Variants in KDM3A observed in about 807,000 individuals in gnomAD.
The protein encoded by KDM3A is lysine-specific demethylase 3A.
Under a neutral mutation model 158.0 loss-of-function variants are expected in KDM3A, and 60 were observed. The ratio of observed to expected loss-of-function variants is 0.38; its 90% confidence interval spans 0.31 to 0.47. The LOEUF (loss-of-function observed/expected upper bound fraction) is 0.47. Among genes scored for constraint, KDM3A ranks in the 20% least tolerant of loss-of-function variants. KDM3A has a pLI of 0.99. For missense variants in KDM3A, 1,319 were observed against 1,574.3 expected, an observed-to-expected ratio of 0.84 and a Z score of 2.74; for synonymous variants, 608 against 549.3, an observed-to-expected ratio of 1.11 and a Z score of -1.49.
intron 4 of KDM3A, 82 bp from the exon 5 acceptor site, chr2:86,455,003 C>A: frequency 1.3e-6 from 1 of 748,700 alleles, no homozygotes; most frequent in South Asian, 2.0e-5. Flanking sequence ...TTTGATTAAC[C>A]AATTGAAATA....
chr2:86,468,077 C>T (rs1233121846), intron 10 of KDM3A, among the ~76,000 whole-genome samples: 1 of 151,922 alleles, frequency 6.6e-6, no homozygotes, highest in Non-Finnish European at 1.5e-5. Flanking sequence ...TTATTTGGAT[C>T]AGTAAAAATG....
chr2:86,475,009 G>A lies in KDM3A; in HGVS notation c.1939+19G>A. The A allele has an allele frequency of 6.3e-7, 1 of 1,594,254 alleles. No homozygotes were observed. Among genetic ancestry groups the A allele is most frequent in the South Asian group, 1.1e-5 (1 of 89,556 alleles). Reference sequence around the variant, plus strand: ...CCACACAGTAAGAGCATCTCTTAGGGGGTAGGATTTTCGAGCCCAATTTGA... The same window carrying A: ...CCACACAGTAAGAGCATCTCTTAGGAGGTAGGATTTTCGAGCCCAATTTGA... On this transcript the variant is annotated intron_variant, in intron 12 of 25. Transcript: ENST00000312912.
At chr2:86,445,513 T>C (rs1289977829) in intron 2 of KDM3A, among the ~76,000 whole-genome samples, 2 of 152,188 alleles carry the variant, frequency 1.3e-5, no homozygotes, top group Non-Finnish European at 2.9e-5. Context: ...TCTAATGCCC[T>C]GCTTCCTTAA....
chr2:86,480,621 C>G (rs1436280655), intron 16 of KDM3A, among the ~76,000 whole-genome samples: 1 of 152,122 alleles, frequency 6.6e-6, no homozygotes, highest in East Asian at 1.9e-4. Flanking sequence ...ATGCAAAGAT[C>G]TGGAGCAAAA....
intron 12 of KDM3A, 44 bp from the exon 13 acceptor site, chr2:86,477,833 A>C (rs200352289): frequency 2.0e-4 from 305 of 1,540,282 alleles, no homozygotes; most frequent in Non-Finnish European, 2.5e-4. Flanking sequence ...TGGTTTCAGA[A>C]GCCCTCTCCT....
At chr2:86,475,200 T>C (rs1418002032) in intron 12 of KDM3A, among the ~76,000 whole-genome samples, 1 of 151,746 alleles carries the variant, frequency 6.6e-6, no homozygotes. Flanking sequence ...AACAGAGGAG[T>C]GGAACTCCTT....
In KDM3A at chr2:86,483,993, A is replaced by G. The variant is rs1158782921; in HGVS notation, c.2929A>G (p.Met977Val). Residue 977 changes from methionine (M) to valine (V), a missense_variant, in exon 19 of 26, where the codon ATG becomes GTG. Met to Val is a conservative substitution (Grantham distance 21). Coordinates refer to ENST00000312912, the MANE Select transcript of KDM3A (RefSeq NM_018433.6). ...RECWKQGQPV[M>V]VSGVHHKLNS... The stretch of plus-strand genomic sequence containing the variant: ...TTTCCTTCTCTTCATTTAGCCAGTG[A>G]TGGTGTCTGGAGTGCATCATAAATT... 3 of 1,610,302 alleles carry G rather than the reference A, an allele frequency of 1.9e-6. No individual in the cohort carries two copies. Among genetic ancestry groups the G allele is most frequent in the East Asian group, 2.2e-5 (1 of 44,812 alleles).
intron 15 of KDM3A, 21 bp downstream of exon 15, chr2:86,478,756 A>G (rs1411538042): frequency 6.2e-7 from 1 of 1,608,356 alleles, no homozygotes; most frequent in Non-Finnish European, 8.5e-7. Context: ...CTTATGTTAA[A>G]TTCAACATCT....
chr2:86,449,727 A>G (rs909689045), intron 2 of KDM3A, 80 bp from the exon 3 acceptor site: 21 of 1,401,866 alleles, frequency 1.5e-5, no homozygotes, highest in Non-Finnish European at 2.0e-5. Context: ...TAATGAAGGT[A>G]TAGTTCAGCT....
chr2:86,460,290 A>G (rs1029747998), intron 8 of KDM3A, among the ~76,000 whole-genome samples: 3 of 152,180 alleles, frequency 2.0e-5, no homozygotes, highest in African/African-American at 7.2e-5. Context: ...GCAATGTATT[A>G]TAACTATTAT....
intron 10 of KDM3A, 27 bp from the exon 11 acceptor site, chr2:86,470,177 T>C (rs768286941): frequency 1.2e-6 from 2 of 1,605,100 alleles, no homozygotes; most frequent in Non-Finnish European, 1.7e-6. Context: ...TTTGAGGTCC[T>C]GTCTCCTTAA....
At chr2:86,479,385 T>G (rs746891708) in intron 15 of KDM3A, 1 of 152,162 alleles carries the variant, frequency 6.6e-6, no homozygotes, top group African/African-American at 2.4e-5. Flanking sequence ...AGAAGACTTG[T>G]AATATTTGGA....
intron 11 of KDM3A, among the ~76,000 whole-genome samples, chr2:86,471,381 A>G (rs989641222): frequency 1.2e-4 from 18 of 150,728 alleles, no homozygotes; most frequent in South Asian, 4.2e-4. Flanking sequence ...ATGTATATAT[A>G]TGTGTGTATA....
upstream of KDM3A, among the ~76,000 whole-genome samples, chr2:86,438,507 A>C (rs1440154086): frequency 6.6e-6 from 1 of 152,040 alleles, no homozygotes; most frequent in African/African-American, 2.4e-5. Context: ...TTCTCACCAC[A>C]CAAAAAAAGA....
At chr2:86,446,089 T>C (rs115372897) in intron 2 of KDM3A, among the ~76,000 whole-genome samples, 1 of 152,208 alleles carries the variant, frequency 6.6e-6, no homozygotes, top group Admixed American at 6.5e-5. Flanking sequence ...TTAGATACAA[T>C]ATTAATTCAT....
At chr2:86,438,574 A>G (rs376423453), upstream of KDM3A, among the ~76,000 whole-genome samples, 335 of 152,190 alleles carry the variant, frequency 2.2e-3, 2 homozygotes, top group African/African-American at 7.7e-3. Flanking sequence ...TCCACAATGT[A>G]TATCTATACC....
chr2:86,481,892 G>C, intron 16 of KDM3A, 38 bp from the exon 17 acceptor site: 3 of 1,529,204 alleles, frequency 2.0e-6, no homozygotes, highest in Non-Finnish European at 2.7e-6. Context: ...TTGCCTTTCA[G>C]AATGTTTTTT....
intron 2 of KDM3A, among the ~76,000 whole-genome samples, chr2:86,445,728 A>G (rs982674106): frequency 2.0e-5 from 3 of 152,232 alleles, no homozygotes; most frequent in African/African-American, 7.2e-5. Flanking sequence ...ATCTGCTGCC[A>G]GTCAAGCCAT....
chr2:86,484,290 C>T (rs1674080030), intron 19 of KDM3A, 132 bp downstream of exon 19: 2 of 688,590 alleles, frequency 2.9e-6, no homozygotes, highest in Non-Finnish European at 4.9e-6. Flanking sequence ...TAACGTCTCT[C>T]CTCCCCTTCC....
Sources: gnomAD v4.1 joint callset for allele counts (sites outside exome capture counted in the v4.1 genomes callset) on GRCh38, gnomAD v4.1.1 for gene constraint, MANE v1.5 for transcripts, NCBI Gene and HGNC (gene_info 2026-07-23, HGNC 2026-07-21) for gene names.